PROB1: variants seen among roughly 807,000 people sequenced by gnomAD.
PROB1 encodes proline-rich basic protein 1.
For synonymous variants in PROB1, 660 were observed against 699.3 expected (o/e 0.94, Z 0.89); for missense variants, 1,453 against 1,485.7 (o/e 0.98, Z 0.36).
chr5:139,394,718 C>G lies in PROB1; in HGVS notation c.364G>C (p.Gly122Arg), dbSNP rs73255289. The G allele has an allele frequency of 6.5e-7, 1 of 1,531,634 alleles. No homozygotes were observed. The highest frequency in any genetic ancestry group is 8.7e-7 in the Non-Finnish European group (1 of 1,143,924). The allele number at this position is 1,531,634 out of a possible 1,614,324, so 94.9% of individuals were successfully genotyped here. A position where few individuals can be genotyped will look rare whatever the true frequency, so the allele number is the denominator to read the frequency against. The change falls in exon 1 of 1, where the codon GGC (glycine) becomes CGC (arginine). Residue 122 changes from glycine to arginine, a missense_variant. Gly to Arg is a moderately radical substitution (Grantham distance 125, BLOSUM62 -2). Coordinates refer to ENST00000434752, the MANE Select transcript of PROB1 (RefSeq NM_001161546.2). ...EVIFGVGPLF[G>R]CSGADDREAQ... ...TCGCGATCGTCTGCGCCGGAGCAGC[C>G]GAACAGGGGTCCGACGCCGAAGATG...
At position 139,393,854 on chromosome 5, in the gene PROB1, G is replaced by A; in HGVS notation, c.1228C>T (p.Pro410Ser). The A allele has an allele frequency of 6.4e-7, 1 of 1,550,714 alleles. No individual in the cohort carries two copies. Among genetic ancestry groups the A allele is most frequent in the Non-Finnish European group, 8.7e-7 (1 of 1,146,834 alleles). ...PNGAVRGPRC[P>S]SPQNLSPWDR... ...CACGGGGACAGGTTCTGGGGCGACG[G>A]GCAGCGAGGACCCCGTACAGCCCCA... is the stretch of plus-strand genomic sequence containing the variant. The change falls in exon 1 of 1, where the codon CCG becomes TCG. Residue 410 changes from proline to serine, a missense_variant. Transcript: ENST00000434752.
chr5:139,392,903 G>A lies in PROB1; in HGVS notation c.2179C>T (p.Pro727Ser), dbSNP rs1045005105. ...RRRAENSTAK[P>S]FKRTEIRLPG... ...AGGCGGATCTCTGTGCGCTTGAAGG[G>A]CTTCGCCGTGCTGTTCTCTGCCCTC... The change falls in exon 1 of 1, where the codon CCC (proline) becomes TCC (serine). Residue 727 changes from proline to serine, a missense_variant. Pro to Ser is a moderately conservative substitution (Grantham distance 74). Coordinates refer to ENST00000434752, the MANE Select transcript of PROB1 (RefSeq NM_001161546.2). This position sits in a 1 kb window ranked among gnomAD's most constrained non-coding sequence, Gnocchi z 5.8. The A allele has an allele frequency of 1.4e-5, 22 of 1,540,746 alleles. No individual in the cohort carries two copies. The highest frequency in any genetic ancestry group is 1.8e-5 in the Non-Finnish European group (21 of 1,141,510).
rs757020630 is a variant in PROB1, at chr5:139,395,088, GC to G, written c.-8del. ...GGGCGAGCGCGGTCAGCATGGTGGG[GC>G]CGGACGCCGTGCACTATCTCCCTCG... On this transcript the variant is annotated 5_prime_UTR_variant, in exon 1 of 1. Transcript: ENST00000434752. 7.2e-7 allele frequency: 1 copy of G among 1,396,330 alleles called. No individual in the cohort carries two copies. The highest frequency in any genetic ancestry group is 2.7e-4 in the Middle Eastern group (1 of 3,760). 86.5% of individuals were successfully genotyped at this position (1,396,330 alleles called of 1,614,324 possible). A position where few individuals can be genotyped will look rare whatever the true frequency, so the allele number is the denominator to read the frequency against.
rs757002286 is a variant in PROB1 at position 139,394,037 on chromosome 5, TCTC to T, written c.1042_1044del (p.Glu348del). The T allele has an allele frequency of 7.6e-4, 1,174 of 1,550,662 alleles. 2 individuals are homozygous for T. The highest frequency in any genetic ancestry group is 9.8e-4 in the Non-Finnish European group (1,123 of 1,146,998). ...CGAGTCTTCCGCGCCTCCTGGATCTTCTCCTCTGACTGAAGGAAGATGCTGGAA... is the reference window on the plus strand; with the variant it reads ...CGAGTCTTCCGCGCCTCCTGGATCTTCTCTGACTGAAGGAAGATGCTGGAA... On this transcript the variant is annotated inframe_deletion, in exon 1 of 1. Transcript: ENST00000434752.
Position 139,392,309 on chromosome 5 carries a change from G to A in PROB1, c.2773C>T (p.Pro925Ser). 9 of 1,495,230 alleles carry A rather than the reference G, an allele frequency of 6.0e-6. No homozygotes were observed. Among genetic ancestry groups the A allele is most frequent in the Non-Finnish European group, 8.0e-6 (9 of 1,118,426 alleles). The allele number at this position is 1,495,230 out of a possible 1,614,324, so 92.6% of individuals were successfully genotyped here. The change falls in exon 1 of 1, where the codon CCG becomes TCG. Residue 925 changes from proline (P) to serine (S), a missense_variant. Pro to Ser is a moderately conservative substitution (Grantham distance 74). Coordinates refer to ENST00000434752, the MANE Select transcript of PROB1 (RefSeq NM_001161546.2). The surrounding 1 kb of genome is among the most constrained non-coding windows in gnomAD (Gnocchi z 5.8). ...AGAGGGGTGTAGACGCGGTGGGGCG[G>A]CCCGGGAGACGAGGGCGGCAGCAAC... ...EVLLPPSSPG[P>S]PHRVYTPLAL...
rs770979612 is a variant in PROB1 at position 139,393,702 on chromosome 5, C to T, written c.1380G>A (p.Gln460=). The change falls in exon 1 of 1, where the codon CAG becomes CAA. Residue 460 remains glutamine (Q), a synonymous_variant. Coordinates refer to ENST00000434752, the MANE Select transcript of PROB1 (RefSeq NM_001161546.2). The part of the protein sequence containing the change: ...RRSPSPPILS[Q]WNQCVAGERS... The stretch of plus-strand genomic sequence containing the variant: ...TTTCCCCAGCAACACACTGATTCCA[C>T]TGGGAAAGGATCGGAGGGGAAGGGC... 5 of 1,551,126 alleles carry T rather than the reference C, an allele frequency of 3.2e-6. No individual in the cohort carries two copies. The highest frequency in any genetic ancestry group is 4.4e-6 in the Non-Finnish European group (5 of 1,146,994).
rs1758602147 is a variant in PROB1, at chr5:139,391,636, CTCCTGCTGCTCCCGT to C, written c.*383_*397del. 5.9e-6 allele frequency: 1 copy of C among 170,532 alleles called. No homozygotes were observed. The highest frequency in any genetic ancestry group is 6.4e-5 in the Admixed American group (1 of 15,706). The allele number at this position is 170,532 out of a possible 1,614,324, so 10.6% of individuals were successfully genotyped here. ...GAGGGCAGACAGTTCCCCGCCCTGT[CTCCTGCTGCTCCCGT>C]TCCTGCTGCCCCACGGCAGCCACAG... is the stretch of plus-strand genomic sequence containing the variant. On this transcript the variant is annotated 3_prime_UTR_variant, in exon 1 of 1. Transcript: ENST00000434752. The surrounding 1 kb of genome is among the most constrained non-coding windows in gnomAD (Gnocchi z 4.8).
rs756113832 is a variant in PROB1, at chr5:139,392,711, C to T, written c.2371G>A (p.Val791Ile). 13 of 1,407,602 alleles carry T rather than the reference C, an allele frequency of 9.2e-6. No homozygotes were observed. Among genetic ancestry groups the T allele is most frequent in the African/African-American group, 4.5e-5 (3 of 65,948 alleles). 87.2% of individuals were successfully genotyped at this position (1,407,602 alleles called of 1,614,324 possible). ...GGCGATCGGACCCCTGCTGGCCCTACGGGGGAGCGCTGGGATGAGCTGCGG... is the reference window on the plus strand; with the variant it reads ...GGCGATCGGACCCCTGCTGGCCCTATGGGGGAGCGCTGGGATGAGCTGCGG... Reference protein sequence around the residue: ...GARSSSQRSPVGPAGVRSPRP... With the variant: ...GARSSSQRSPIGPAGVRSPRP... The change falls in exon 1 of 1, where the codon GTA becomes ATA. Residue 791 changes from valine (V) to isoleucine (I), a missense_variant. Physicochemically the swap from Val to Ile is conservative, Grantham distance 29. Transcript: ENST00000434752. The surrounding 1 kb of genome is among the most constrained non-coding windows in gnomAD (Gnocchi z 5.8).
chr5:139,392,212 C>T lies in PROB1; in HGVS notation c.2870G>A (p.Gly957Asp). Residue 957 changes from glycine to aspartate, a missense_variant, in exon 1 of 1, where the codon GGC (glycine) becomes GAC (aspartate). Transcript: ENST00000434752. This position sits in a 1 kb window ranked among gnomAD's most constrained non-coding sequence, Gnocchi z 5.8. ...IPSLSLPPSP[G>D]PQALGSPQLP... ...CTGGGGGCTGCCGAGGGCCTGCGGG[C>T]CCGGGGACGGTGGCAGAGAGAGGCT... is the stretch of plus-strand genomic sequence containing the variant. 7.0e-7 allele frequency: 1 copy of T among 1,434,588 alleles called. No homozygotes were observed. The highest frequency in any genetic ancestry group is 9.2e-7 in the Non-Finnish European group (1 of 1,087,508). The allele number at this position is 1,434,588 out of a possible 1,614,324, so 88.9% of individuals were successfully genotyped here. A position where few individuals can be genotyped will look rare whatever the true frequency, so the allele number is the denominator to read the frequency against.
rs1758616968 is a variant in PROB1 at position 139,392,584 on chromosome 5, G to T, written c.2498C>A (p.Ala833Glu). Residue 833 changes from alanine to glutamate, a missense_variant, in exon 1 of 1, where the codon GCG (alanine) becomes GAG (glutamate). Coordinates refer to ENST00000434752, the MANE Select transcript of PROB1 (RefSeq NM_001161546.2). The surrounding 1 kb of genome is among the most constrained non-coding windows in gnomAD (Gnocchi z 5.8). ...CGCCAGGGGCTCCCGCGGGAGTGGC[G>T]CCTGGACGGCAGCCGCGGGCTCGGG... ...TAPEPAAAVQ[A>E]PLPREPLALA... The T allele has an allele frequency of 2.9e-6, 4 of 1,363,906 alleles. No homozygotes were observed. The highest frequency in any genetic ancestry group is 2.8e-6 in the Non-Finnish European group (3 of 1,063,124). The allele number at this position is 1,363,906 out of a possible 1,614,324, so 84.5% of individuals were successfully genotyped here.
In PROB1 at chr5:139,391,558, C is replaced by A. The variant is rs541291018; in HGVS notation, c.*476G>T. ...GACTCGACAGCCAGAGTCCTTCCTG[C>A]CACCTCACCAGGGGCACTGGCCAGC... is the stretch of plus-strand genomic sequence containing the variant. On this transcript the variant is annotated 3_prime_UTR_variant, in exon 1 of 1. Coordinates refer to ENST00000434752, the MANE Select transcript of PROB1 (RefSeq NM_001161546.2). This position sits in a 1 kb window ranked among gnomAD's most constrained non-coding sequence, Gnocchi z 4.8. 2.4e-4 allele frequency: 37 copies of A among 155,566 alleles called. No homozygotes were observed. Among genetic ancestry groups the A allele is most frequent in the African/African-American group, 8.2e-4 (34 of 41,710 alleles). 9.6% of individuals were successfully genotyped at this position (155,566 alleles called of 1,614,324 possible). A position where few individuals can be genotyped will look rare whatever the true frequency, so the allele number is the denominator to read the frequency against.
Position 139,394,128 on chromosome 5 carries a change from G to A in PROB1, c.954C>T (p.Leu318=). The change falls in exon 1 of 1, where the codon CTC becomes CTT. Residue 318 remains leucine (L), a synonymous_variant. Coordinates refer to ENST00000434752, the MANE Select transcript of PROB1 (RefSeq NM_001161546.2). ...TGTCGCGCCGAATCGCGCGCTCGCG[G>A]AGGCTGGGCCACGGCCTCGGGGCCT... ...PAKAPRPWPS[L]RERAIRRDKP... 1.3e-6 allele frequency: 2 copies of A among 1,547,722 alleles called. No individual in the cohort carries two copies. The highest frequency in any genetic ancestry group is 1.7e-6 in the Non-Finnish European group (2 of 1,145,290).
chr5:139,394,319 A>C lies in PROB1; in HGVS notation c.763T>G (p.Leu255Val), dbSNP rs1026747983. ...GCCTCGGGGCTCAGTTTTCTGGCCA[A>C]CGCCGTCTGCACGAAGCCCGCGGCG... ...QAAAGFVQTA[L>V]ARKLSPEAPA... Residue 255 changes from leucine to valine, a missense_variant, in exon 1 of 1, where the codon TTG (leucine) becomes GTG (valine). By Grantham distance (32) the Leu-to-Val change is conservative. Coordinates refer to ENST00000434752, the MANE Select transcript of PROB1 (RefSeq NM_001161546.2). 3 of 1,483,926 alleles carry C rather than the reference A, an allele frequency of 2.0e-6. No homozygotes were observed. The African/African-American group carries it at 4.3e-5, about 21-fold the overall frequency. 91.9% of individuals were successfully genotyped at this position (1,483,926 alleles called of 1,614,324 possible). A position where few individuals can be genotyped will look rare whatever the true frequency, so the allele number is the denominator to read the frequency against.
In PROB1 at chr5:139,390,659, G is replaced by C. The variant is rs576220282; in HGVS notation, c.*1375C>G. 11 of 152,326 alleles carry C rather than the reference G, an allele frequency of 7.2e-5. 2 individuals carry two copies. The highest frequency in any genetic ancestry group is 2.4e-4 in the African/African-American group (10 of 41,550). 9.4% of individuals were successfully genotyped at this position (152,326 alleles called of 1,614,324 possible). ...CACCAGGATGAGGTAAAGACACCTGGGGTGGCCCCAGGGCCCTCCATGCCA... is the reference window on the plus strand; with the variant it reads ...CACCAGGATGAGGTAAAGACACCTGCGGTGGCCCCAGGGCCCTCCATGCCA... On this transcript the variant is annotated 3_prime_UTR_variant, in exon 1 of 1. Coordinates refer to ENST00000434752, the MANE Select transcript of PROB1 (RefSeq NM_001161546.2).
rs1758604488 is a variant in PROB1, at chr5:139,391,807, G to T, written c.*227C>A. On this transcript the variant is annotated 3_prime_UTR_variant, in exon 1 of 1. Coordinates refer to ENST00000434752, the MANE Select transcript of PROB1 (RefSeq NM_001161546.2). The surrounding 1 kb of genome is among the most constrained non-coding windows in gnomAD (Gnocchi z 4.8). ...CACGCCCTGGGAATGCCTGGGAAAG[G>T]GATACATAATTTTGTTGGGGGAGGA... 2.4e-6 allele frequency: 1 copy of T among 410,108 alleles called. No individual in the cohort carries two copies. The highest frequency in any genetic ancestry group is 2.1e-5 in the African/African-American group (1 of 48,668). The allele number at this position is 410,108 out of a possible 1,614,324, so 25.4% of individuals were successfully genotyped here.
Position 139,393,232 on chromosome 5 carries a change from G to T in PROB1, c.1850C>A (p.Pro617Gln). The change falls in exon 1 of 1, where the codon CCG becomes CAG. Residue 617 changes from proline (P) to glutamine (Q), a missense_variant. Physicochemically the swap from Pro to Gln is moderately conservative, Grantham distance 76. Coordinates refer to ENST00000434752, the MANE Select transcript of PROB1 (RefSeq NM_001161546.2). ...TCGAGGCCGCGGAATGGCCATGCGC[G>T]GGCGTCCCGAGGCCGCCTCTCCAGG... is the stretch of plus-strand genomic sequence containing the variant. Reference protein sequence around the residue: ...LGPGEAASGRPRMAIPRPRDV... With the variant: ...LGPGEAASGRQRMAIPRPRDV... 1 of 1,549,130 alleles carries T rather than the reference G, an allele frequency of 6.5e-7. No individual in the cohort carries two copies. Among genetic ancestry groups the T allele is most frequent in the Non-Finnish European group, 8.7e-7 (1 of 1,146,900 alleles).
rs1044219675 is a variant in PROB1 at position 139,393,318 on chromosome 5, C to T, written c.1764G>A (p.Glu588=). 6 of 1,550,814 alleles carry T rather than the reference C, an allele frequency of 3.9e-6. No individual in the cohort carries two copies. The Admixed American group carries it at 5.9e-5, about 15-fold the overall frequency. The change falls in exon 1 of 1, where the codon GAG becomes GAA. Residue 588 remains glutamate, a synonymous_variant. Coordinates refer to ENST00000434752, the MANE Select transcript of PROB1 (RefSeq NM_001161546.2). ...SQQSPEVAAP[E]PPGSHPVGTL... ...TGCCCACAGGGTGGCTGCCGGGCGG[C>T]TCGGGTGCTGCTACCTCTGGGGACT...
chr5:139,392,059 C>A lies in PROB1; in HGVS notation c.3023G>T (p.Gly1008Val). 7.1e-7 allele frequency: 1 copy of A among 1,401,538 alleles called. No individual in the cohort carries two copies. Among genetic ancestry groups the A allele is most frequent in the East Asian group, 3.0e-5 (1 of 33,866 alleles). The allele number at this position is 1,401,538 out of a possible 1,614,324, so 86.8% of individuals were successfully genotyped here. Residue 1008 changes from glycine to valine, a missense_variant, in exon 1 of 1, where the codon GGC (glycine) becomes GTC (valine). Gly to Val is a moderately radical substitution (Grantham distance 109). Transcript: ENST00000434752. This position sits in a 1 kb window ranked among gnomAD's most constrained non-coding sequence, Gnocchi z 5.8. The stretch of plus-strand genomic sequence containing the variant: ...TCACAGCGGGAACAATGAACCCTTG[C>A]CGGGCTGGGTGGGACCTGAGCTGGA... ...PPSSSGPTQP[G>V]KGSLFPL
Position 139,394,819 on chromosome 5 carries a change from A to T in PROB1, c.263T>A (p.Phe88Tyr). ...SRQRHGPGSG[F>Y]PRGPGSGPRP... ...TGGGCCGGAACCTGGGCCTCGCGGG[A>T]AACCCGAGCCGGGCCCGTGCCGCTG... Residue 88 changes from phenylalanine (F) to tyrosine (Y), a missense_variant, in exon 1 of 1, where the codon TTC (phenylalanine) becomes TAC (tyrosine). Transcript: ENST00000434752. The T allele has an allele frequency of 6.5e-7, 1 of 1,530,272 alleles. No individual in the cohort carries two copies. The highest frequency in any genetic ancestry group is 8.8e-7 in the Non-Finnish European group (1 of 1,138,742). 94.8% of individuals were successfully genotyped at this position (1,530,272 alleles called of 1,614,324 possible).
Sources: gnomAD v4.1 joint callset for allele counts on GRCh38, gnomAD v4.1.1 for gene constraint, Gnocchi (gnomAD v3.1) non-coding constraint, MANE v1.5 for transcripts, NCBI Gene and HGNC (gene_info 2026-07-23, HGNC 2026-07-21) for gene names.